ASH1L: variants seen among roughly 807,000 people sequenced by gnomAD.
ASH1L encodes histone-lysine N-methyltransferase ASH1L.
ASH1L carries 23 observed loss-of-function variants against 269.0 expected under a neutral mutation model. That is an observed-to-expected ratio of 0.09 (90% CI 0.06 to 0.12). The LOEUF (loss-of-function observed/expected upper bound fraction) is 0.12, where lower values mean the gene tolerates loss of function less well. Ranked by LOEUF, ASH1L falls within the 10% of genes least tolerant of loss-of-function variation. The pLI is 1.00. For missense variants in ASH1L, 2,912 were observed against 3,567.8 expected, an observed-to-expected ratio of 0.82 and a Z score of 4.68; for synonymous variants, 1,187 against 1,253.5, an observed-to-expected ratio of 0.95 and a Z score of 1.12.
Position 155,479,531 on chromosome 1 carries a change from C to A in ASH1L, c.3339G>T (p.Gly1113=), listed in dbSNP as rs1307413433. The A allele has an allele frequency of 6.2e-7, 1 of 1,614,140 alleles. No homozygotes were observed. The highest frequency in any genetic ancestry group is 8.5e-7 in the Non-Finnish European group (1 of 1,180,016). Residue 1113 remains glycine, a synonymous_variant, in exon 3 of 28, where the codon GGG becomes GGT. Transcript: ENST00000392403. The stretch of plus-strand genomic sequence containing the variant: ...TTACAGGGCTCTGACCTCCACTAGT[C>A]CCAGAAGACTGAGAGCAAATAGGTG... The part of the protein sequence containing the change: ...LPSPICSQSS[G]TSGGQSPVSS...
intron 2 of ASH1L, among the ~76,000 whole-genome samples, chr1:155,514,830 T>C (rs1005984590): frequency 1.3e-5 from 2 of 152,036 alleles, no homozygotes; most frequent in Non-Finnish European, 2.9e-5. Context: ...CTCTTTTAAC[T>C]ACACGAGAAG....
chr1:155,447,960 C>T (rs749407931), intron 4 of ASH1L, among the ~76,000 whole-genome samples: 27 of 152,290 alleles, frequency 1.8e-4, no homozygotes, highest in Non-Finnish European at 2.9e-4. Flanking sequence ...AGAGTTTTCC[C>T]AATGTTCTCT....
chr1:155,442,174 A>G (rs2148629928), intron 4 of ASH1L, among the ~76,000 whole-genome samples: 1 of 152,276 alleles, frequency 6.6e-6, no homozygotes, highest in South Asian at 2.1e-4. Flanking sequence ...CTGTTTCATG[A>G]CAGTAAGTTC....
intron 1 of ASH1L, among the ~76,000 whole-genome samples, chr1:155,526,960 G>GT (rs1005149624): frequency 3.0e-4 from 45 of 152,284 alleles, no homozygotes; most frequent in African/African-American, 1.1e-3. Flanking sequence ...AATCCCAGCA[G>GT]TTGGGAGGCC....
intron 6 of ASH1L, chr1:155,397,120 C>CT (rs1269790254): frequency 2.1e-5 from 3 of 141,758 alleles, no homozygotes; most frequent in African/African-American, 5.3e-5. Context: ...GAGCCAGACT[C>CT]TGTCAAAAAA....
At position 155,336,386 on chromosome 1, in the gene ASH1L, CACAT is replaced by C. The variant is rs1338622387; in HGVS notation, c.*1270_*1273del. 1 of 151,770 alleles carries C rather than the reference CACAT, an allele frequency of 6.6e-6. No homozygotes were observed. The highest frequency in any genetic ancestry group is 1.5e-5 in the Non-Finnish European group (1 of 67,852). The allele number at this position is 151,770 out of a possible 1,614,324, so 9.4% of individuals were successfully genotyped here. A position where few individuals can be genotyped will look rare whatever the true frequency, so the allele number is the denominator to read the frequency against. ...ACACACACACATATATATATACACA[CACAT>C]ACACACATATATATACACACACACA... On this transcript the variant is annotated 3_prime_UTR_variant, in exon 28 of 28. Coordinates refer to ENST00000392403, the MANE Select transcript of ASH1L (RefSeq NM_018489.3).
chr1:155,406,443 G>A lies in ASH1L; in HGVS notation c.6008+9301C>T, dbSNP rs574975057. ...TATTTGGCCAGGAGCAGTGGCTCAC[G>A]CCTATAATCCTAGCACTTTGGGAAG... On this transcript the variant is annotated intron_variant, in intron 6 of 27. Transcript: ENST00000392403. 7.9e-5 allele frequency among the ~76,000 whole-genome samples: 12 copies of A among 152,284 alleles called. No homozygotes were observed. In the East Asian group the frequency reaches 1.5e-3, roughly 20 times the overall value.
At chr1:155,349,227 C>G in intron 19 of ASH1L, 100 bp downstream of exon 19, 1 of 1,375,120 alleles carries the variant, frequency 7.3e-7, no homozygotes, top group South Asian at 1.4e-5. Flanking sequence ...CTTTTCCAAC[C>G]AGAAATATGG....
At chr1:155,487,778 T>C (rs1356805417) in intron 2 of ASH1L, among the ~76,000 whole-genome samples, 2 of 152,258 alleles carry the variant, frequency 1.3e-5, no homozygotes, top group African/African-American at 4.8e-5. Flanking sequence ...TTTTTCTATA[T>C]GTATGTTATA....
At chr1:155,397,491 C>G (rs1393273470) in intron 6 of ASH1L, among the ~76,000 whole-genome samples, 1 of 147,854 alleles carries the variant, frequency 6.8e-6, no homozygotes, top group African/African-American at 2.5e-5. Context: ...GAGCGAAACT[C>G]TGTCTCAGAA....
chr1:155,542,399 A>C (rs1423278489), intron 1 of ASH1L, among the ~76,000 whole-genome samples: 1 of 151,984 alleles, frequency 6.6e-6, no homozygotes, highest in South Asian at 2.1e-4. Context: ...AATACAAAAA[A>C]TTAGCCAGGC....
At chr1:155,495,567 T>C (rs995966844) in intron 2 of ASH1L, among the ~76,000 whole-genome samples, 6 of 152,194 alleles carry the variant, frequency 3.9e-5, no homozygotes, top group African/African-American at 1.2e-4. Context: ...CTTGCAAGAC[T>C]GTACGACACT....
chr1:155,392,685 C>T (rs1658028256), intron 7 of ASH1L, among the ~76,000 whole-genome samples: 1 of 152,040 alleles, frequency 6.6e-6, no homozygotes, highest in Non-Finnish European at 1.5e-5. Context: ...GATGGGGTTT[C>T]ACCATGTTGG....
At chr1:155,537,279 G>A (rs774431891) in intron 1 of ASH1L, among the ~76,000 whole-genome samples, 1 of 152,054 alleles carries the variant, frequency 6.6e-6, no homozygotes. Flanking sequence ...TCACTGAAAC[G>A]AATTTAAAGA....
intron 3 of ASH1L, among the ~76,000 whole-genome samples, chr1:155,473,905 G>A (rs536071559): frequency 6.6e-6 from 1 of 152,086 alleles, no homozygotes; most frequent in Admixed American, 6.5e-5. Flanking sequence ...GCACAATTTC[G>A]GCTCACTGCA....
At chr1:155,529,139 G>A (rs780308904) in intron 1 of ASH1L, among the ~76,000 whole-genome samples, 3 of 151,906 alleles carry the variant, frequency 2.0e-5, no homozygotes, top group Non-Finnish European at 4.4e-5. Context: ...CTTTGCTATT[G>A]TGAATAGTGC....
At chr1:155,548,823 A>G (rs1671003582) in intron 1 of ASH1L, among the ~76,000 whole-genome samples, 1 of 152,168 alleles carries the variant, frequency 6.6e-6, no homozygotes, top group Non-Finnish European at 1.5e-5. Context: ...TCCCAAGTTT[A>G]TATTTGCCCT....
At chr1:155,408,073 G>T (rs1659442335) in intron 6 of ASH1L, among the ~76,000 whole-genome samples, 1 of 152,190 alleles carries the variant, frequency 6.6e-6, no homozygotes, top group Non-Finnish European at 1.5e-5. Flanking sequence ...GACTGTCTTT[G>T]TTGAAGACTT....
rs576854637 is a variant in ASH1L, at chr1:155,480,223, C to G, written c.2647G>C (p.Val883Leu). 290 of 1,614,006 alleles carry G rather than the reference C, an allele frequency of 1.8e-4. No individual in the cohort carries two copies. Among genetic ancestry groups the G allele is most frequent in the Non-Finnish European group, 2.4e-4 (284 of 1,180,014 alleles). Residue 883 changes from valine (V) to leucine (L), a missense_variant, in exon 3 of 28, where the codon GTG (valine) becomes CTG (leucine). This residue lies in a region of ASH1L where 715 missense variants were observed against 721.0 expected (regional missense o/e 0.99). Transcript: ENST00000392403. ...CCTCTCTTTTTTGGAAAAGGAGACACAGACAGACCTTGTTTGAAGGAAGGG... is the reference window on the plus strand; with the variant it reads ...CCTCTCTTTTTTGGAAAAGGAGACAGAGACAGACCTTGTTTGAAGGAAGGG... ...EIPSFKQGLS[V>L]SPFPKKRGRP... is the part of the protein sequence containing the mutation.
Sources: gnomAD v4.1 joint callset for allele counts (sites outside exome capture counted in the v4.1 genomes callset) on GRCh38, gnomAD v4.1.1 for gene constraint, gnomAD v4.1.1 regional missense constraint, MANE v1.5 for transcripts, NCBI Gene and HGNC (gene_info 2026-07-23, HGNC 2026-07-21) for gene names.